HSD17B4: variants seen among roughly 807,000 people sequenced by gnomAD.
HSD17B4 encodes hydroxysteroid 17-beta dehydrogenase 4.
A neutral mutation model predicts 101.0 loss-of-function variants in HSD17B4; 70 were observed. The ratio of observed to expected loss-of-function variants is 0.69; its 90% CI spans 0.57 to 0.85. HSD17B4 has a LOEUF of 0.85. Among genes scored for constraint, HSD17B4 ranks in the 40% least tolerant of loss-of-function variants. The probability of loss-of-function intolerance (pLI) is 0.00; values close to 1 mark genes in which losing one functional copy is unlikely to be tolerated. For synonymous variants in HSD17B4, 347 were observed against 297.1 expected (o/e 1.17, Z -1.73); for missense variants, 984 against 892.4 (o/e 1.10, Z -1.31).
chr5:119,494,376 T>TCTTTCTTC (rs1554064705), intron 11 of HSD17B4, among the ~76,000 whole-genome samples: 80 of 150,748 alleles, frequency 5.3e-4, no homozygotes, highest in African/African-American at 2.0e-3. Flanking sequence ...TTTCTTTCTT[T>TCTTTCTTC]CTTTCTTTCT....
chr5:119,486,469 C>G (rs564457540), intron 8 of HSD17B4, among the ~76,000 whole-genome samples: 1 of 151,950 alleles, frequency 6.6e-6, no homozygotes, highest in African/African-American at 2.4e-5. Flanking sequence ...CATTCCCTTA[C>G]CTTTAATTTT....
chr5:119,492,954 TATA>T (rs1239620569), intron 10 of HSD17B4: 1 of 152,156 alleles, frequency 6.6e-6, no homozygotes, highest in Non-Finnish European at 1.5e-5. Context: ...GCTGTAGTAG[TATA>T]ATATTTTTAG....
intron 17 of HSD17B4, among the ~76,000 whole-genome samples, chr5:119,516,708 T>G (rs1366606239): frequency 1.3e-5 from 2 of 152,196 alleles, no homozygotes; most frequent in South Asian, 4.1e-4. Flanking sequence ...CATTTGAAAT[T>G]GGATGCATGC....
chr5:119,455,377 C>T (rs1260086113), intron 1 of HSD17B4, among the ~76,000 whole-genome samples: 1 of 151,976 alleles, frequency 6.6e-6, no homozygotes, highest in Non-Finnish European at 1.5e-5. Context: ...ATTAGCTGGG[C>T]GTGGTGGCGG....
intron 2 of HSD17B4, among the ~76,000 whole-genome samples, chr5:119,463,655 CTTTT>C (rs57252147): frequency 2.9e-3 from 87 of 29,692 alleles, no homozygotes; most frequent in African/African-American, 6.1e-3. Context: ...ATTTATATGT[CTTTT>C]TTTTTTTTTT....
At chr5:119,506,419 A>T (rs995734983) in intron 14 of HSD17B4, among the ~76,000 whole-genome samples, 4 of 152,112 alleles carry the variant, frequency 2.6e-5, no homozygotes, top group African/African-American at 9.7e-5. Context: ...TCTATTATTG[A>T]TGGACATTTG....
intron 17 of HSD17B4, among the ~76,000 whole-genome samples, chr5:119,515,854 C>G (rs1752568667): frequency 6.6e-6 from 1 of 151,944 alleles, no homozygotes; most frequent in Admixed American, 6.6e-5. Flanking sequence ...CACAGTGGGG[C>G]CTACTGGAGG....
chr5:119,452,593 G>A lies in HSD17B4; in HGVS notation c.18G>A (p.Arg6=), dbSNP rs1480283283. ...CCTTATTCATGGGCTCACCGCTGAG[G>A]TTCGACGGGCGGGTGGTACTGGTCA... is the stretch of plus-strand genomic sequence containing the variant. MGSPL[R]FDGRVVLVTG... is the part of the protein sequence containing the mutation. Residue 6 remains arginine (R), a synonymous_variant, in exon 1 of 24, where the codon AGG becomes AGA. Transcript: ENST00000510025. 2 of 1,614,054 alleles carry A rather than the reference G, an allele frequency of 1.2e-6. No homozygotes were observed. Among genetic ancestry groups the A allele is most frequent in the Non-Finnish European group, 1.7e-6 (2 of 1,179,998 alleles).
chr5:119,517,998 G>A (rs536196360), intron 17 of HSD17B4, among the ~76,000 whole-genome samples: 36 of 152,184 alleles, frequency 2.4e-4, no homozygotes, highest in African/African-American at 5.1e-4. Context: ...ACCAATCAGC[G>A]CCCTGTCAAA....
intron 21 of HSD17B4, among the ~76,000 whole-genome samples, chr5:119,530,963 A>G (rs1016372760): frequency 1.3e-5 from 2 of 151,812 alleles, no homozygotes; most frequent in Non-Finnish European, 2.9e-5. Context: ...AAATGAGACC[A>G]TAGAAGTTGA....
intron 3 of HSD17B4, 147 bp downstream of exon 3, chr5:119,474,162 T>C: frequency 1.5e-6 from 1 of 675,808 alleles, no homozygotes; most frequent in Admixed American, 2.5e-5. Context: ...ATATTTTATA[T>C]ATGTGAGAAT....
chr5:119,460,626 C>T (rs894640315), intron 2 of HSD17B4, among the ~76,000 whole-genome samples: 4 of 151,964 alleles, frequency 2.6e-5, no homozygotes, highest in Non-Finnish European at 4.4e-5. Flanking sequence ...ATTTATTCAT[C>T]TAACATGTAT....
Position 119,477,408 on chromosome 5 carries a change from TTG to T in HSD17B4, c.350-7_350-6del. On this transcript the variant is annotated splice_region_variant and splice_polypyrimidine_tract_variant and intron_variant, in intron 6 of 23. Transcript: ENST00000510025. The stretch of plus-strand genomic sequence containing the variant: ...CAAAATATTTAATAAAAATAATTTA[TTG>T]TTTTAGATATAATCCACAGAGTTCA... 6.4e-7 allele frequency: 1 copy of T among 1,572,958 alleles called. No individual in the cohort carries two copies. The highest frequency in any genetic ancestry group is 8.7e-7 in the Non-Finnish European group (1 of 1,144,800).
At chr5:119,480,881 A>G (rs1749065296) in intron 8 of HSD17B4, among the ~76,000 whole-genome samples, 1 of 152,174 alleles carries the variant, frequency 6.6e-6, no homozygotes, top group Non-Finnish European at 1.5e-5. Context: ...GAATTCAGCA[A>G]TATTTCTCCC....
At chr5:119,455,560 C>CTA (rs1358383041) in intron 1 of HSD17B4, among the ~76,000 whole-genome samples, 2 of 132,710 alleles carry the variant, frequency 1.5e-5, no homozygotes, top group African/African-American at 2.7e-5. Flanking sequence ...CTCTCTCTCT[C>CTA]TCTCTCTCTA....
intron 10 of HSD17B4, 181 bp from the exon 11 acceptor site, chr5:119,493,637 C>T (rs1249513691): frequency 1.6e-5 from 9 of 574,100 alleles, no homozygotes; most frequent in Non-Finnish European, 2.5e-5. Flanking sequence ...TTTAAATTGA[C>T]CTTATCCTAG....
chr5:119,539,959 G>A (rs1370800303), intron 23 of HSD17B4, among the ~76,000 whole-genome samples: 1 of 151,302 alleles, frequency 6.6e-6, no homozygotes, highest in Non-Finnish European at 1.5e-5. Flanking sequence ...CTGGTGTGGT[G>A]GCACACACCT....
chr5:119,492,854 G>A (rs1359324203), intron 10 of HSD17B4: 1 of 151,986 alleles, frequency 6.6e-6, no homozygotes, highest in Non-Finnish European at 1.5e-5. Context: ...GAAAATTTCT[G>A]TGTCTCAGCT....
At chr5:119,529,419 A>G (rs999565215) in intron 20 of HSD17B4, among the ~76,000 whole-genome samples, 1 of 152,130 alleles carries the variant, frequency 6.6e-6, no homozygotes, top group African/African-American at 2.4e-5. Context: ...AGCCAATTTT[A>G]TTCTATATTA....
Sources: gnomAD v4.1 joint callset for allele counts (sites outside exome capture counted in the v4.1 genomes callset) on GRCh38, gnomAD v4.1.1 for gene constraint, MANE v1.5 for transcripts, NCBI Gene and HGNC (gene_info 2026-07-23, HGNC 2026-07-21) for gene names.